GPR137B: variants seen among roughly 807,000 people sequenced by gnomAD.
The protein encoded by GPR137B is integral membrane protein GPR137B.
A neutral mutation model predicts 42.5 loss-of-function variants in GPR137B; 42 were observed. That is an observed-to-expected ratio of 0.99 (90% CI 0.77 to 1.28). The LOEUF is 1.28. Ranked by LOEUF, GPR137B falls within the 50% of genes most tolerant of loss-of-function variation. The pLI, the probability that GPR137B is intolerant of heterozygous loss-of-function variation, is 0.00. For synonymous variants in GPR137B, 218 were observed against 209.7 expected, an observed-to-expected ratio of 1.04 and a Z score of -0.34; for missense variants, 487 against 493.9, an observed-to-expected ratio of 0.99 and a Z score of 0.13.
chr1:236,181,008 C>T (rs12081592), intron 4 of GPR137B, among the ~76,000 whole-genome samples: 11,594 of 152,042 alleles, frequency 0.076, 1,309 homozygotes, highest in African/African-American at 0.25. Context: ...TGTATTCAGA[C>T]TTTAGAAAAT....
chr1:236,181,393 A>G (rs1662873693), intron 4 of GPR137B, among the ~76,000 whole-genome samples: 1 of 152,168 alleles, frequency 6.6e-6, no homozygotes, highest in African/African-American at 2.4e-5. Context: ...ACAAAACCGA[A>G]CAGACTCATT....
intron 1 of GPR137B, among the ~76,000 whole-genome samples, chr1:236,168,288 G>A (rs961211741): frequency 2.9e-4 from 44 of 152,032 alleles, no homozygotes; most frequent in African/African-American, 1.0e-3. Flanking sequence ...TTAACTGGGT[G>A]TGGTGACACC....
chr1:236,148,347 A>G (rs1661739688), intron 1 of GPR137B, among the ~76,000 whole-genome samples: 1 of 152,236 alleles, frequency 6.6e-6, no homozygotes, highest in East Asian at 1.9e-4. Flanking sequence ...ACACCTCGGC[A>G]GCCACGTATC....
chr1:236,145,225 A>C (rs1158077610), intron 1 of GPR137B, among the ~76,000 whole-genome samples: 1 of 152,162 alleles, frequency 6.6e-6, no homozygotes, highest in Non-Finnish European at 1.5e-5. Context: ...TTTTGTCGCC[A>C]ACCCAGCTCT....
At chr1:236,201,162 A>G (rs1380401933) in intron 5 of GPR137B, among the ~76,000 whole-genome samples, 1 of 152,030 alleles carries the variant, frequency 6.6e-6, no homozygotes, top group Admixed American at 6.5e-5. Flanking sequence ...TAGGACCCCA[A>G]TCCCTTCTGG....
At chr1:236,146,785 C>CT (rs1445130883) in intron 1 of GPR137B, among the ~76,000 whole-genome samples, 4 of 152,204 alleles carry the variant, frequency 2.6e-5, no homozygotes, top group African/African-American at 9.7e-5. Flanking sequence ...CTAATGACCT[C>CT]TCAGGCAGAT....
chr1:236,170,225 G>A (rs980171366), intron 2 of GPR137B, among the ~76,000 whole-genome samples: 2 of 151,606 alleles, frequency 1.3e-5, no homozygotes, highest in Admixed American at 1.3e-4. Flanking sequence ...TGCCTCCTTG[G>A]GTCAAAATGA....
At position 236,181,070 on chromosome 1, in the gene GPR137B, G is replaced by A. The variant is rs1571991425; in HGVS notation, c.837+1042G>A. Among the ~76,000 whole-genome samples, 6 of 148,268 alleles carry A rather than the reference G, an allele frequency of 4.0e-5. 1 individual carries two copies. In the East Asian group the frequency reaches 1.2e-3, roughly 29 times the overall value. On this transcript the variant is annotated intron_variant, in intron 4 of 6. Transcript: ENST00000366592. ...GTTTTTGTTTTTTTTGTCATCCTCAGGGAGTGAATTTTTTTTAATGGAGCA... is the reference window on the plus strand; with the variant it reads ...GTTTTTGTTTTTTTTGTCATCCTCAAGGAGTGAATTTTTTTTAATGGAGCA...
rs1385613960 is a variant in GPR137B at position 236,150,703 on chromosome 1, A to G, written c.414+7667A>G. Reference sequence around the variant, plus strand: ...GAGCGCCCTACTGTCGGCTCCGAACACTGTGGCACCTGCAGGCTTTGCTAC... The same window carrying G: ...GAGCGCCCTACTGTCGGCTCCGAACGCTGTGGCACCTGCAGGCTTTGCTAC... On this transcript the variant is annotated intron_variant, in intron 1 of 6. Transcript: ENST00000366592. This position sits in a 1 kb window ranked among gnomAD's most constrained non-coding sequence, Gnocchi z 6.2. 6.6e-6 allele frequency among the ~76,000 whole-genome samples: 1 copy of G among 152,096 alleles called. No individual in the cohort carries two copies. Among genetic ancestry groups the G allele is most frequent in the Non-Finnish European group, 1.5e-5 (1 of 68,008 alleles).
chr1:236,205,028 T>TAGA, intron 5 of GPR137B, 98 bp from the exon 6 acceptor site: 1 of 945,940 alleles, frequency 1.1e-6, no homozygotes, highest in Non-Finnish European at 1.7e-6. Context: ...TTCAAATGAA[T>TAGA]AGAACATCTT....
chr1:236,199,223 C>T (rs1303253649), intron 5 of GPR137B, among the ~76,000 whole-genome samples: 1 of 152,104 alleles, frequency 6.6e-6, no homozygotes, highest in Non-Finnish European at 1.5e-5. Flanking sequence ...TATGTTAAAC[C>T]ATCCCTGCAT....
At chr1:236,187,766 T>C (rs996388346) in intron 5 of GPR137B, among the ~76,000 whole-genome samples, 2 of 151,698 alleles carry the variant, frequency 1.3e-5, no homozygotes, top group Non-Finnish European at 2.9e-5. Context: ...GGTAGCATGA[T>C]GCCTCCAGCT....
chr1:236,190,167 T>C (rs866172579), intron 5 of GPR137B, among the ~76,000 whole-genome samples: 2 of 139,366 alleles, frequency 1.4e-5, no homozygotes, highest in African/African-American at 2.7e-5. Context: ...TTTTTTTTTT[T>C]GCTTTCCATT....
At position 236,163,241 on chromosome 1, in the gene GPR137B, G is replaced by T. The variant is rs113542345; in HGVS notation, c.415-5465G>T. 7.1e-3 allele frequency among the ~76,000 whole-genome samples: 1,082 copies of T among 152,280 alleles called. 13 individuals carry two copies. The highest frequency in any genetic ancestry group is 0.024 in the African/African-American group (1,011 of 41,544). Reference sequence around the variant, plus strand: ...TGTTTTGGCCACTTTCTCCCACTTGGAACGGCTGTATTTACCCAATGCCTG... The same window carrying T: ...TGTTTTGGCCACTTTCTCCCACTTGTAACGGCTGTATTTACCCAATGCCTG... On this transcript the variant is annotated intron_variant, in intron 1 of 6. Coordinates refer to ENST00000366592, the MANE Select transcript of GPR137B (RefSeq NM_003272.4).
At chr1:236,166,771 G>A (rs1662371356) in intron 1 of GPR137B, among the ~76,000 whole-genome samples, 1 of 152,006 alleles carries the variant, frequency 6.6e-6, no homozygotes, top group Non-Finnish European at 1.5e-5. Flanking sequence ...GGGCACTTGA[G>A]GTCAGGCGTG....
intron 2 of GPR137B, among the ~76,000 whole-genome samples, chr1:236,174,447 G>C (rs1662628288): frequency 6.6e-6 from 1 of 152,190 alleles, no homozygotes; most frequent in African/African-American, 2.4e-5. Flanking sequence ...GGTTCTGGAA[G>C]ATGCGGGGTG....
At chr1:236,147,787 T>G (rs1293490189) in intron 1 of GPR137B, among the ~76,000 whole-genome samples, 1 of 152,192 alleles carries the variant, frequency 6.6e-6, no homozygotes, top group African/African-American at 2.4e-5. Context: ...TCTTTCTCCT[T>G]TCTGACCTGG....
chr1:236,169,253 C>CAGCTGT (rs1282239621), intron 2 of GPR137B, among the ~76,000 whole-genome samples: 1 of 152,128 alleles, frequency 6.6e-6, no homozygotes, highest in African/African-American at 2.4e-5. Context: ...GGTGCAGGTG[C>CAGCTGT]AGCTGTGGCA....
At chr1:236,191,821 C>G (rs905217416) in intron 5 of GPR137B, among the ~76,000 whole-genome samples, 1 of 152,166 alleles carries the variant, frequency 6.6e-6, no homozygotes, top group Admixed American at 6.5e-5. Flanking sequence ...CCACTGAAGG[C>G]GGCAGTCTGA....
Sources: gnomAD v4.1 joint callset for allele counts (sites outside exome capture counted in the v4.1 genomes callset) on GRCh38, gnomAD v4.1.1 for gene constraint, Gnocchi (gnomAD v3.1) non-coding constraint, MANE v1.5 for transcripts, NCBI Gene and HGNC (gene_info 2026-07-23, HGNC 2026-07-21) for gene names.